Variants in ACP7 observed in about 807,000 individuals in gnomAD.
ACP7 encodes acid phosphatase type 7.
Under a neutral mutation model 60.6 loss-of-function variants are expected in ACP7, and 58 were observed. The observed-to-expected ratio is 0.96, with a 90% CI of 0.77 to 1.19. ACP7 has a LOEUF of 1.19. Among genes scored for constraint, ACP7 ranks in the 50% most tolerant of loss-of-function variants. The pLI, the probability that ACP7 is intolerant of heterozygous loss-of-function variation, is 0.00. For synonymous variants in ACP7, 237 were observed against 232.6 expected (o/e 1.02, Z -0.17); for missense variants, 574 against 596.2 (o/e 0.96, Z 0.39).
Position 39,099,103 on chromosome 19 carries a change from G to C in ACP7, c.466G>C (p.Asp156His). 1 of 1,596,674 alleles carries C rather than the reference G, an allele frequency of 6.3e-7. No individual in the cohort carries two copies. Among genetic ancestry groups the C allele is most frequent in the Non-Finnish European group, 8.5e-7 (1 of 1,172,818 alleles). ...GAAGGCCGTCCCCCGGCTGCGCAGG[G>C]ACACCCAGCAGGGCATGTATGACGC... ...NPKAVPRLRR[D>H]TQQGMYDAVL... Residue 156 changes from aspartate to histidine, a missense_variant, in exon 4 of 13, where the codon GAC (aspartate) becomes CAC (histidine). Asp to His is a moderately conservative substitution (Grantham distance 81, BLOSUM62 -1). Coordinates refer to ENST00000331256, the MANE Select transcript of ACP7 (RefSeq NM_001004318.3).
chr19:39,092,144 A>T (rs2144976335), intron 2 of ACP7, among the ~76,000 whole-genome samples: 1 of 151,568 alleles, frequency 6.6e-6, no homozygotes, highest in Non-Finnish European at 1.5e-5. Context: ...AGGCAGAGGC[A>T]GGTGGATCAC....
Position 39,098,581 on chromosome 19 carries a change from T to TG in ACP7, c.247dup (p.Asp83GlyfsTer63), listed in dbSNP as rs748834996. The stretch of plus-strand genomic sequence containing the variant: ...GCCCAGGGCACCTTCGTCCCCTTTG[T>TG]GGACGGGGGCATTCTCCGGCGGAAG... On this transcript the variant is annotated frameshift_variant, in exon 3 of 13. Coordinates refer to ENST00000331256, the MANE Select transcript of ACP7 (RefSeq NM_001004318.3). LOFTEE classifies it high-confidence loss of function. 3.1e-6 allele frequency: 5 copies of TG among 1,613,630 alleles called. No individual in the cohort carries two copies. The East Asian group carries it at 8.9e-5, about 29-fold the overall frequency.
chr19:39,099,627 C>T (rs1236355510), intron 4 of ACP7, among the ~76,000 whole-genome samples: 1 of 152,032 alleles, frequency 6.6e-6, no homozygotes, highest in Non-Finnish European at 1.5e-5. Flanking sequence ...GGTTTTATTT[C>T]TACATCTTCA....
chr19:39,087,739 T>C (rs1420630881), intron 2 of ACP7, among the ~76,000 whole-genome samples: 1 of 151,880 alleles, frequency 6.6e-6, no homozygotes, highest in Admixed American at 6.6e-5. Context: ...TTTCAAGCGA[T>C]TCTCCTGCTT....
chr19:39,103,441 G>GTTT lies in ACP7; in HGVS notation c.1113+1927_1113+1929dup, dbSNP rs58293250. Among the ~76,000 whole-genome samples, 304 of 64,708 alleles carry GTTT rather than the reference G, an allele frequency of 4.7e-3. 15 individuals carry two copies. Among genetic ancestry groups the GTTT allele is most frequent in the African/African-American group, 0.015 (223 of 14,854 alleles). The allele number at this position is 64,708 out of a possible 152,430, so 42.5% of individuals were successfully genotyped here. ...TCAAAACATTCCAGGATCATCATGT[G>GTTT]TTTTTTTTTTTTTTTTTTTTTTTTT... On this transcript the variant is annotated intron_variant, in intron 11 of 12. Transcript: ENST00000331256.
intron 11 of ACP7, 28 bp downstream of exon 11, chr19:39,101,565 T>C (rs750839345): frequency 6.2e-7 from 1 of 1,602,466 alleles, no homozygotes; most frequent in African/African-American, 1.3e-5. Flanking sequence ...TGGCTTTGCC[T>C]TCTCTCTCTA....
chr19:39,099,213 T>C (rs1183735749), intron 4 of ACP7, 71 bp downstream of exon 4: 37 of 1,332,906 alleles, frequency 2.8e-5, no homozygotes, highest in Non-Finnish European at 3.4e-5. Context: ...GGCGCGCGGG[T>C]CGGGGGCGCG....
intron 4 of ACP7, 36 bp from the exon 5 acceptor site, chr19:39,100,191 C>A: frequency 6.2e-7 from 1 of 1,607,786 alleles, no homozygotes; most frequent in South Asian, 1.1e-5. Flanking sequence ...CAGAGCTGGG[C>A]CTGGGTCCTC....
rs77497641 is a variant in ACP7 at position 39,101,629 on chromosome 19, A to G, written c.1113+92A>G. ...CCAGACTGAGTGCTGGGTGCTTTAT[A>G]TAGTGGATATCACTTAACCCTCAGC... On this transcript the variant is annotated intron_variant, in intron 11 of 12. Transcript: ENST00000331256. 7.5e-3 allele frequency: 10,180 copies of G among 1,364,224 alleles called. 560 individuals are homozygous for G. In the African/African-American group the frequency reaches 0.12, roughly 17 times the overall value. 84.5% of individuals were successfully genotyped at this position (1,364,224 alleles called of 1,614,324 possible). A position where few individuals can be genotyped will look rare whatever the true frequency, so the allele number is the denominator to read the frequency against.
chr19:39,100,964 C>A lies in ACP7; in HGVS notation c.823C>A (p.Arg275=). The change falls in exon 8 of 13, where the codon CGG becomes AGG. Residue 275 remains arginine (R), a synonymous_variant. Transcript: ENST00000331256. ...ESDLQKANKN[R]AARPWIITMG... ...TTCTCCCTAGAAAGCCAATAAGAAC[C>A]GGGCAGCCCGGCCGTGGATCATCAC... 6.2e-7 allele frequency: 1 copy of A among 1,613,566 alleles called. No homozygotes were observed. Among genetic ancestry groups the A allele is most frequent in the Non-Finnish European group, 8.5e-7 (1 of 1,179,978 alleles).
chr19:39,096,274 T>G (rs2073265273), intron 2 of ACP7, among the ~76,000 whole-genome samples: 1 of 152,230 alleles, frequency 6.6e-6, no homozygotes, highest in East Asian at 1.9e-4. Context: ...ACATCTTGAA[T>G]GCTTTGCTGC....
chr19:39,095,543 T>G (rs938349515), intron 2 of ACP7, among the ~76,000 whole-genome samples: 2 of 152,254 alleles, frequency 1.3e-5, no homozygotes, highest in African/African-American at 2.4e-5. Flanking sequence ...CTGGCTGCTT[T>G]CACAGGCTGG....
At chr19:39,083,968 C>A (rs960143968), upstream of ACP7, 2 of 152,408 alleles carry the variant, frequency 1.3e-5, no homozygotes, top group African/African-American at 4.8e-5. Flanking sequence ...GTTGGGGATC[C>A]CCCGGTCCTG....
chr19:39,096,029 C>T (rs897962199), intron 2 of ACP7, among the ~76,000 whole-genome samples: 34 of 152,202 alleles, frequency 2.2e-4, no homozygotes, highest in Non-Finnish European at 4.6e-4. Flanking sequence ...TCCTCCTAGA[C>T]CTCTGGGTCT....
At chr19:39,092,539 C>G (rs1269618749) in intron 2 of ACP7, among the ~76,000 whole-genome samples, 1 of 152,010 alleles carries the variant, frequency 6.6e-6, no homozygotes, top group Admixed American at 6.6e-5. Flanking sequence ...TCTTCCTCAC[C>G]CCCTTCCATG....
At position 39,100,773 on chromosome 19, in the gene ACP7, T is replaced by G; in HGVS notation, c.727T>G (p.Ser243Ala). Residue 243 changes from serine (S) to alanine (A), a missense_variant, in exon 7 of 13, where the codon TCC (serine) becomes GCC (alanine). Transcript: ENST00000331256. The part of the protein sequence containing the change: ...DLGPAHIISF[S>A]TEVYFFLHYG... ...GGGTCCCGCCCACATCATCTCCTTC[T>G]CCACCGAGGTCTATTTCTTTCTCCA... 1 of 1,613,942 alleles carries G rather than the reference T, an allele frequency of 6.2e-7. No homozygotes were observed. Among genetic ancestry groups the G allele is most frequent in the Non-Finnish European group, 8.5e-7 (1 of 1,179,992 alleles).
chr19:39,087,355 C>T (rs948308041), intron 2 of ACP7, among the ~76,000 whole-genome samples: 4 of 152,168 alleles, frequency 2.6e-5, no homozygotes, highest in African/African-American at 9.7e-5. Flanking sequence ...CAACTGGATT[C>T]TCCTCAGATC....
Position 39,100,260 on chromosome 19 carries a change from C to A in ACP7, c.539C>A (p.Ala180Asp), listed in dbSNP as rs1424813058. The A allele has an allele frequency of 6.2e-7, 1 of 1,614,126 alleles. No individual in the cohort carries two copies. The highest frequency in any genetic ancestry group is 1.1e-5 in the South Asian group (1 of 91,084). ...DFAYNLDQDN[A>D]RVGDRFMRLI... is the part of the protein sequence containing the mutation. ...GCCTACAACCTGGATCAGGACAACG[C>A]CCGTGTTGGGGATAGGTTCATGCGG... Residue 180 changes from alanine to aspartate, a missense_variant, in exon 5 of 13, where the codon GCC becomes GAC. Transcript: ENST00000331256.
intron 3 of ACP7, 21 bp downstream of exon 3, chr19:39,098,679 A>G: frequency 6.3e-7 from 1 of 1,595,332 alleles, no homozygotes; most frequent in Non-Finnish European, 8.6e-7. Context: ...CCCCAGGCTG[A>G]GCTGTTGAGG....
Sources: gnomAD v4.1 joint callset for allele counts (sites outside exome capture counted in the v4.1 genomes callset) on GRCh38, gnomAD v4.1.1 for gene constraint, MANE v1.5 for transcripts, NCBI Gene and HGNC (gene_info 2026-07-23, HGNC 2026-07-21) for gene names.